The following SPIRE1 variants were observed in gnomAD, a reference collection of about 807,000 sequenced individuals.
SPIRE1 encodes spire type actin nucleation factor 1.
SPIRE1 carries 40 observed loss-of-function variants against 94.1 expected under a neutral mutation model. That is an observed-to-expected ratio of 0.43 (90% CI 0.33 to 0.55). The LOEUF is 0.55. Among genes scored for constraint, SPIRE1 ranks in the 20% least tolerant of loss-of-function variants. SPIRE1 has a pLI of 0.06. For synonymous variants in SPIRE1, 376 were observed against 371.7 expected, an observed-to-expected ratio of 1.01 and a Z score of -0.13; for missense variants, 838 against 975.2, an observed-to-expected ratio of 0.86 and a Z score of 1.87.
At chr18:12,514,494 A>C (rs2034137072) in intron 4 of SPIRE1, among the ~76,000 whole-genome samples, 1 of 152,168 alleles carries the variant, frequency 6.6e-6, no homozygotes, top group African/African-American at 2.4e-5. Context: ...GGGATTCACA[A>C]ATCTCCAGAA....
chr18:12,540,656 G>A (rs745837044), intron 3 of SPIRE1, among the ~76,000 whole-genome samples: 14 of 152,180 alleles, frequency 9.2e-5, no homozygotes, highest in South Asian at 2.1e-4. Flanking sequence ...GATTACAGGC[G>A]TGAGCCACTG....
At chr18:12,479,914 G>C in intron 9 of SPIRE1, 43 bp from the exon 10 acceptor site, 1 of 1,577,622 alleles carries the variant, frequency 6.3e-7, no homozygotes, top group Non-Finnish European at 8.6e-7. Context: ...AGCCAAGAAA[G>C]GTTATCTGTG....
chr18:12,455,395 C>A (rs538365586), intron 12 of SPIRE1, among the ~76,000 whole-genome samples: 1 of 152,302 alleles, frequency 6.6e-6, no homozygotes, highest in East Asian at 1.9e-4. Context: ...ACTACTGGAG[C>A]ATTTATATCC....
chr18:12,634,982 T>C (rs1398699987), intron 2 of SPIRE1, 80 bp downstream of exon 2: 1 of 733,318 alleles, frequency 1.4e-6, no homozygotes, highest in East Asian at 2.8e-5. Context: ...GAACCTATAG[T>C]GAGATAGTTC....
Position 12,487,438 on chromosome 18 carries a change from T to C in SPIRE1, c.1190-1438A>G, listed in dbSNP as rs1356239712. On this transcript the variant is annotated intron_variant, in intron 8 of 16. Transcript: ENST00000409402. ...TTTTTTGAGATGGAGTCTCACTCTA[T>C]TGCCAGGCTGGAGTGCAGTGGCTGC... is the stretch of plus-strand genomic sequence containing the variant. 4.0e-5 allele frequency among the ~76,000 whole-genome samples: 6 copies of C among 150,810 alleles called. No individual in the cohort carries two copies. In the East Asian group the frequency reaches 1.2e-3, roughly 29 times the overall value.
At chr18:12,585,446 A>G (rs1379165520) in intron 2 of SPIRE1, among the ~76,000 whole-genome samples, 2 of 152,202 alleles carry the variant, frequency 1.3e-5, no homozygotes, top group Admixed American at 1.3e-4. Flanking sequence ...AGTCTCTGAA[A>G]TCAGCTGCCT....
At chr18:12,563,596 T>C (rs890482195) in intron 2 of SPIRE1, among the ~76,000 whole-genome samples, 1 of 152,196 alleles carries the variant, frequency 6.6e-6, no homozygotes, top group African/African-American at 2.4e-5. Flanking sequence ...ATCTATATAG[T>C]CCAATGAATC....
chr18:12,547,355 A>G lies in SPIRE1; in HGVS notation c.373-451T>C, dbSNP rs183360001. On this transcript the variant is annotated intron_variant, in intron 2 of 16. Transcript: ENST00000409402. The stretch of plus-strand genomic sequence containing the variant: ...ACTGAAAACACATCTCTCTCAGACG[A>G]TGCAAACAAATGAGAGACCTTTTGC... Among the ~76,000 whole-genome samples the G allele has an allele frequency of 2.3e-3, 353 of 152,310 alleles. 4 individuals are homozygous for G. The highest frequency in any genetic ancestry group is 0.022 in the Admixed American group (332 of 15,292).
At chr18:12,501,870 G>A (rs561206374) in intron 6 of SPIRE1, among the ~76,000 whole-genome samples, 2 of 152,210 alleles carry the variant, frequency 1.3e-5, no homozygotes, top group Non-Finnish European at 2.9e-5. Context: ...GCTGAGATGG[G>A]TGGATTGCTT....
chr18:12,526,092 C>G (rs80014570), intron 4 of SPIRE1, among the ~76,000 whole-genome samples: 18 of 149,072 alleles, frequency 1.2e-4, no homozygotes, highest in Non-Finnish European at 1.3e-4. Context: ...CACACACACA[C>G]AGAGATGTAT....
intron 4 of SPIRE1, among the ~76,000 whole-genome samples, chr18:12,529,998 C>T (rs2034639286): frequency 6.6e-6 from 1 of 152,044 alleles, no homozygotes. Context: ...ATACTGACAT[C>T]AATATAGTAG....
chr18:12,591,605 C>T (rs894680062), intron 2 of SPIRE1, among the ~76,000 whole-genome samples: 6 of 152,158 alleles, frequency 3.9e-5, no homozygotes, highest in Non-Finnish European at 8.8e-5. Flanking sequence ...CACAACCAAA[C>T]GCATTTGCTA....
intron 2 of SPIRE1, among the ~76,000 whole-genome samples, chr18:12,626,886 A>ATATATATATT (rs55915333): frequency 0.025 from 2,759 of 111,696 alleles, 55 homozygotes; most frequent in Middle Eastern, 0.049. Context: ...ATATATATAT[A>ATATATATATT]TTTTTTTTTT....
chr18:12,525,924 C>T (rs2034506908), intron 4 of SPIRE1, among the ~76,000 whole-genome samples: 2 of 152,074 alleles, frequency 1.3e-5, no homozygotes, highest in African/African-American at 4.8e-5. Flanking sequence ...TGTTACAGAG[C>T]TCCCTGAGCA....
intron 10 of SPIRE1, among the ~76,000 whole-genome samples, chr18:12,470,351 C>A (rs2032303718): frequency 6.6e-6 from 1 of 152,184 alleles, no homozygotes; most frequent in Non-Finnish European, 1.5e-5. Flanking sequence ...AATGCACATA[C>A]AATATACTGA....
chr18:12,494,851 A>AT, intron 7 of SPIRE1, among the ~76,000 whole-genome samples: 1 of 146,980 alleles, frequency 6.8e-6, no homozygotes, highest in Non-Finnish European at 1.5e-5. Context: ...AAAAAAAAAA[A>AT]AAAAAATACA....
chr18:12,549,439 GTTTTTTTTTTTTTTT>G (rs869122444), intron 2 of SPIRE1, among the ~76,000 whole-genome samples: 20 of 41,256 alleles, frequency 4.8e-4, no homozygotes, highest in South Asian at 1.7e-3. Flanking sequence ...TGTTATTGTT[GTTTTTTTTTTTTTTT>G]TTTTTTTTTT....
At chr18:12,463,073 A>AT (rs936612738) in intron 12 of SPIRE1, among the ~76,000 whole-genome samples, 29 of 150,514 alleles carry the variant, frequency 1.9e-4, no homozygotes, top group South Asian at 4.2e-4. Flanking sequence ...AATTATTATT[A>AT]TTTTTTTTTG....
intron 16 of SPIRE1, 122 bp downstream of exon 16, chr18:12,452,133 A>G: frequency 8.1e-7 from 1 of 1,237,908 alleles, no homozygotes; most frequent in Non-Finnish European, 1.1e-6. Flanking sequence ...AAACTGTATT[A>G]AAACCAACCA....
Sources: allele counts gnomAD v4.1 joint callset (sites outside exome capture counted in the v4.1 genomes callset), GRCh38; gene constraint gnomAD v4.1.1; transcripts MANE v1.5; gene names NCBI Gene and HGNC (gene_info 2026-07-23, HGNC 2026-07-21).